Variants in ZDHHC21 observed in about 807,000 individuals in gnomAD.
ZDHHC21 encodes the protein palmitoyltransferase ZDHHC21.
Under a neutral mutation model 34.6 loss-of-function variants are expected in ZDHHC21, and 15 were observed. The observed-to-expected ratio is 0.43, with a 90% CI of 0.29 to 0.67. ZDHHC21 has a LOEUF of 0.67. ZDHHC21 is among the 30% of genes least tolerant of loss of function. The pLI is 0.14. For missense variants in ZDHHC21, 344 were observed against 327.7 expected (o/e 1.05, Z -0.38); for synonymous variants, 142 against 101.8 (o/e 1.40, Z -2.38).
chr9:14,632,320 C>G (rs1827513095), intron 8 of ZDHHC21, among the ~76,000 whole-genome samples: 1 of 151,892 alleles, frequency 6.6e-6, no homozygotes, highest in Non-Finnish European at 1.5e-5. Context: ...TAATTTTCAA[C>G]AAAGGTGTCA....
At chr9:14,675,157 C>T (rs950818996) in intron 3 of ZDHHC21, among the ~76,000 whole-genome samples, 10 of 151,886 alleles carry the variant, frequency 6.6e-5, no homozygotes, top group African/African-American at 2.2e-4. Flanking sequence ...TGAGTGTTAA[C>T]AATATGCCAA....
chr9:14,663,484 A>G (rs1248458154), intron 5 of ZDHHC21, among the ~76,000 whole-genome samples: 1 of 147,122 alleles, frequency 6.8e-6, no homozygotes, highest in Non-Finnish European at 1.5e-5. Context: ...TTTTTTTTTC[A>G]GATTACAGAT....
chr9:14,639,249 A>G (rs1564255353), intron 8 of ZDHHC21, among the ~76,000 whole-genome samples: 2 of 152,114 alleles, frequency 1.3e-5, no homozygotes, highest in South Asian at 4.1e-4. Flanking sequence ...AAATGAAACA[A>G]ACCAGGCACA....
intron 8 of ZDHHC21, among the ~76,000 whole-genome samples, chr9:14,619,962 C>G (rs925720400): frequency 6.6e-6 from 1 of 151,574 alleles, no homozygotes; most frequent in Admixed American, 6.6e-5. Context: ...CCTTTTATTA[C>G]ACTTGCTTTC....
At position 14,674,369 on chromosome 9, in the gene ZDHHC21, CA is replaced by C. The variant is rs1835984120; in HGVS notation, c.-30del. On this transcript the variant is annotated 5_prime_UTR_variant, in exon 4 of 10. The change abolishes the stop of an existing upstream ORF in the 5' untranslated region. Transcript: ENST00000380916. Reference sequence around the variant, plus strand: ...GCAATCTTATAACTGCCTGCTAACCCACAAGGAAGGATGATCCTAAGGAGAA... The same window carrying C: ...GCAATCTTATAACTGCCTGCTAACCCCAAGGAAGGATGATCCTAAGGAGAA... 6.4e-7 allele frequency: 1 copy of C among 1,570,276 alleles called. No individual in the cohort carries two copies. Among genetic ancestry groups the C allele is most frequent in the South Asian group, 1.2e-5 (1 of 81,532 alleles).
intron 8 of ZDHHC21, among the ~76,000 whole-genome samples, chr9:14,628,330 C>T (rs1288888183): frequency 6.6e-6 from 1 of 152,124 alleles, no homozygotes; most frequent in East Asian, 1.9e-4. Flanking sequence ...TTATCTTTCA[C>T]TATCAACAGG....
In ZDHHC21 at chr9:14,688,795, G is replaced by T. The variant is rs949538113; in HGVS notation, c.-176+1542C>A. Among the ~76,000 whole-genome samples, 14 of 152,194 alleles carry T rather than the reference G, an allele frequency of 9.2e-5. 1 individual carries two copies. Among genetic ancestry groups the T allele is most frequent in the Admixed American group, 7.9e-4 (12 of 15,280 alleles). On this transcript the variant is annotated intron_variant, in intron 2 of 9. Coordinates refer to ENST00000380916, the MANE Select transcript of ZDHHC21 (RefSeq NM_178566.6). ...GAGAATTGCTTGAACCCGGGAGGCG[G>T]AGGTTGCAGTGAGCCGAGATCACCC... is the stretch of plus-strand genomic sequence containing the variant.
intron 8 of ZDHHC21, among the ~76,000 whole-genome samples, chr9:14,628,463 G>T (rs1381815241): frequency 6.6e-6 from 1 of 152,088 alleles, no homozygotes; most frequent in Non-Finnish European, 1.5e-5. Context: ...CACTTATTTT[G>T]CTTGTTTGAT....
chr9:14,648,681 C>G (rs1039601004), intron 7 of ZDHHC21, among the ~76,000 whole-genome samples: 1 of 152,048 alleles, frequency 6.6e-6, no homozygotes, highest in Non-Finnish European at 1.5e-5. Context: ...CTAATTGGAA[C>G]GTAAGCTCCT....
At chr9:14,659,972 A>G (rs13296658) in intron 6 of ZDHHC21, among the ~76,000 whole-genome samples, 1 of 151,578 alleles carries the variant, frequency 6.6e-6, no homozygotes, top group Non-Finnish European at 1.5e-5. Flanking sequence ...TTGAGAAACA[A>G]TGTCTATGAT....
chr9:14,606,799 C>G (rs1171814723), downstream of ZDHHC21, among the ~76,000 whole-genome samples: 1 of 151,808 alleles, frequency 6.6e-6, no homozygotes, highest in Non-Finnish European at 1.5e-5. Context: ...ATTTGACAAG[C>G]AAAGGTAACC....
chr9:14,600,590 T>C, the ZDHHC21 span, among the ~76,000 whole-genome samples: 1 of 152,108 alleles, frequency 6.6e-6, no homozygotes, highest in Admixed American at 6.5e-5. Context: ...AAGTAATTCA[T>C]AGATTCAAGG....
At chr9:14,606,311 T>C (rs1488692010), downstream of ZDHHC21, among the ~76,000 whole-genome samples, 2 of 152,130 alleles carry the variant, frequency 1.3e-5, no homozygotes, top group Non-Finnish European at 2.9e-5. Context: ...TGACAAAAAG[T>C]GACATAGTTT....
At chr9:14,674,452 G>A in intron 3 of ZDHHC21, 67 bp from the exon 4 acceptor site, 1 of 996,458 alleles carries the variant, frequency 1.0e-6, no homozygotes, top group Non-Finnish European at 1.4e-6. Context: ...TGTATTTCTG[G>A]CAACTTTTAT....
intron 2 of ZDHHC21, among the ~76,000 whole-genome samples, chr9:14,689,652 T>C (rs549167689): frequency 2.0e-5 from 3 of 152,322 alleles, no homozygotes; most frequent in Non-Finnish European, 2.9e-5. Context: ...ACTATCCTAG[T>C]AGTATTACTA....
chr9:14,671,914 T>C (rs943164280), intron 5 of ZDHHC21, among the ~76,000 whole-genome samples: 1 of 152,162 alleles, frequency 6.6e-6, no homozygotes, highest in African/African-American at 2.4e-5. Flanking sequence ...CATTTTGTTT[T>C]ATTTCAAATA....
intron 3 of ZDHHC21, among the ~76,000 whole-genome samples, chr9:14,674,634 T>C (rs1836035913): frequency 1.3e-5 from 2 of 152,074 alleles, no homozygotes. Flanking sequence ...TGTTTCACTA[T>C]GAACTGCTAT....
chr9:14,599,703 G>C, the ZDHHC21 span, among the ~76,000 whole-genome samples: 2 of 152,078 alleles, frequency 1.3e-5, no homozygotes, highest in Non-Finnish European at 2.9e-5. Context: ...AGATCCACTG[G>C]CTTGAAATTC....
At chr9:14,656,750 C>G (rs1229803781) in intron 7 of ZDHHC21, among the ~76,000 whole-genome samples, 2 of 151,848 alleles carry the variant, frequency 1.3e-5, no homozygotes, top group African/African-American at 2.4e-5. Context: ...TTCTAACAAC[C>G]AACATAATGA....
Sources: allele counts gnomAD v4.1 joint callset (sites outside exome capture counted in the v4.1 genomes callset), GRCh38; gene constraint gnomAD v4.1.1; transcripts MANE v1.5; gene names NCBI Gene and HGNC (gene_info 2026-07-23, HGNC 2026-07-21).